Variants in PHLDB1 observed in about 807,000 individuals in gnomAD.
PHLDB1 encodes the protein pleckstrin homology like domain family B member 1, also known as pleckstrin homology-like domain family B member 1.
A neutral mutation model predicts 139.3 loss-of-function variants in PHLDB1; 65 were observed. That is an observed-to-expected ratio of 0.47 (90% CI 0.38 to 0.57). The LOEUF (loss-of-function observed/expected upper bound fraction) is 0.57. PHLDB1 is among the 20% of genes least tolerant of loss of function. The probability of loss-of-function intolerance (pLI) is 0.00; values close to 1 mark genes in which losing one functional copy is unlikely to be tolerated. For missense variants in PHLDB1, 1,624 were observed against 1,839.7 expected, an observed-to-expected ratio of 0.88 and a Z score of 2.14; for synonymous variants, 679 against 734.5, an observed-to-expected ratio of 0.92 and a Z score of 1.22.
At position 118,628,072 on chromosome 11, in the gene PHLDB1, A is replaced by C; in HGVS notation, c.1249A>C (p.Thr417Pro). The change falls in exon 6 of 23, where the codon ACA (threonine) becomes CCA (proline). Residue 417 changes from threonine (T) to proline (P), a missense_variant. Transcript: ENST00000600882. ...REPPGSERVL[T>P]TSPSRQLVGR... ...GCCTCCAGGCAGTGAGCGGGTGCTAACAACCAGCCCCTCACGCCAACTGGT... is the reference window on the plus strand; with the variant it reads ...GCCTCCAGGCAGTGAGCGGGTGCTACCAACCAGCCCCTCACGCCAACTGGT... 6.2e-7 allele frequency: 1 copy of C among 1,613,290 alleles called. No individual in the cohort carries two copies. The highest frequency in any genetic ancestry group is 8.5e-7 in the Non-Finnish European group (1 of 1,179,778).
At position 118,644,156 on chromosome 11, in the gene PHLDB1, C is replaced by T. The variant is rs781990880; in HGVS notation, c.3103C>T (p.Leu1035=). ...TLQDIETKRQ[L]ALQQKGQQVI... Reference sequence around the variant, plus strand: ...GCAGGACATCGAGACCAAGCGCCAACTAGCTCTGCAGCAGAAGGGTGAGTG... The same window carrying T: ...GCAGGACATCGAGACCAAGCGCCAATTAGCTCTGCAGCAGAAGGGTGAGTG... Residue 1035 remains leucine, a synonymous_variant, in exon 15 of 23, where the codon CTA becomes TTA. Coordinates refer to ENST00000600882, the MANE Select transcript of PHLDB1 (RefSeq NM_001144758.3). 6 of 1,612,240 alleles carry T rather than the reference C, an allele frequency of 3.7e-6. No homozygotes were observed. The Admixed American group carries it at 5.0e-5, about 13-fold the overall frequency.
intron 9 of PHLDB1, 98 bp from the exon 10 acceptor site, chr11:118,635,295 G>T: frequency 7.2e-7 from 1 of 1,384,956 alleles, no homozygotes; most frequent in Non-Finnish European, 9.8e-7. Context: ...ATTTCCCCGG[G>T]TCCAGCCCCA....
In PHLDB1 at chr11:118,645,763, G is replaced by A; in HGVS notation, c.3445G>A (p.Glu1149Lys). Residue 1149 changes from glutamate to lysine, a missense_variant, in exon 17 of 23, where the codon GAG becomes AAG. Coordinates refer to ENST00000600882, the MANE Select transcript of PHLDB1 (RefSeq NM_001144758.3). This position sits in a 1 kb window ranked among gnomAD's most constrained non-coding sequence, Gnocchi z 5.1. ...SASGLDMGKIEEMEKMLKEAH... is the reference protein window; with the variant it reads ...SASGLDMGKIKEMEKMLKEAH... ...GAGTGGTCTGGACATGGGGAAGATC[G>A]AGGAGATGGAGAAGATGCTGAAAGA... is the stretch of plus-strand genomic sequence containing the variant. 2 of 1,613,788 alleles carry A rather than the reference G, an allele frequency of 1.2e-6. No individual in the cohort carries two copies. The highest frequency in any genetic ancestry group is 1.7e-6 in the Non-Finnish European group (2 of 1,179,742).
chr11:118,650,650 A>AC lies in PHLDB1; in HGVS notation c.3874+105dup. ...AGGAGGCCAAGCTTCCAAGTAGGGG[A>AC]CCAGAGTCTTGGGCTAGGCTTTGCC... On this transcript the variant is annotated intron_variant, in intron 20 of 22. Coordinates refer to ENST00000600882, the MANE Select transcript of PHLDB1 (RefSeq NM_001144758.3). The surrounding 1 kb of genome is among the most constrained non-coding windows in gnomAD (Gnocchi z 4.7). 1 of 782,760 alleles carries AC rather than the reference A, an allele frequency of 1.3e-6. No homozygotes were observed. Among genetic ancestry groups the AC allele is most frequent in the Non-Finnish European group, 2.2e-6 (1 of 445,728 alleles). The allele number at this position is 782,760 out of a possible 1,614,324, so 48.5% of individuals were successfully genotyped here. A position where few individuals can be genotyped will look rare whatever the true frequency, so the allele number is the denominator to read the frequency against.
rs186442730 is a variant in PHLDB1 at position 118,614,795 on chromosome 11, G to A, written c.184+113G>A. 9.1e-5 allele frequency: 96 copies of A among 1,059,830 alleles called. No homozygotes were observed. The East Asian group carries it at 1.7e-3, about 19-fold the overall frequency. The allele number at this position is 1,059,830 out of a possible 1,614,324, so 65.7% of individuals were successfully genotyped here. A position where few individuals can be genotyped will look rare whatever the true frequency, so the allele number is the denominator to read the frequency against. ...GCCCTTCTACTGTCTGCTGGTGCTCGCCTCCCCACACCACCAGCTTGCTTC... is the reference window on the plus strand; with the variant it reads ...GCCCTTCTACTGTCTGCTGGTGCTCACCTCCCCACACCACCAGCTTGCTTC... On this transcript the variant is annotated intron_variant, in intron 3 of 22. Transcript: ENST00000600882.
chr11:118,644,610 C>T (rs779497287), intron 15 of PHLDB1: 1 of 1,259,806 alleles, frequency 7.9e-7, no homozygotes, highest in Non-Finnish European at 1.0e-6. Flanking sequence ...CCCTCTGTGT[C>T]TCTACCGTAC....
rs1939460537 is a variant in PHLDB1, at chr11:118,608,095, A to G, written c.-22+396A>G. On this transcript the variant is annotated intron_variant, in intron 1 of 22. Transcript: ENST00000600882. This position sits in a 1 kb window ranked among gnomAD's most constrained non-coding sequence, Gnocchi z 6.7. Reference sequence around the variant, plus strand: ...GGGTTTTCGTCCTCCAGCGCCCCACACCTCCCCCTCTCCGCCCACAGCAGG... The same window carrying G: ...GGGTTTTCGTCCTCCAGCGCCCCACGCCTCCCCCTCTCCGCCCACAGCAGG... 1.3e-5 allele frequency among the ~76,000 whole-genome samples: 2 copies of G among 148,372 alleles called. No individual in the cohort carries two copies. The highest frequency in any genetic ancestry group is 4.3e-4 in the South Asian group (2 of 4,638).
At position 118,658,024 on chromosome 11, in the gene PHLDB1, C is replaced by T. The variant is rs1288940909; in HGVS notation, c.*1201C>T. 3 of 521,130 alleles carry T rather than the reference C, an allele frequency of 5.8e-6. No individual in the cohort carries two copies. The highest frequency in any genetic ancestry group is 3.1e-5 in the Admixed American group (1 of 32,012). 32.3% of individuals were successfully genotyped at this position (521,130 alleles called of 1,614,324 possible). On this transcript the variant is annotated 3_prime_UTR_variant, in exon 23 of 23. Transcript: ENST00000600882. ...GCAGAACAATAAAGCCTTTGGACTACGGAAGTGAGTGGAAGGCCGGTGTGG... is the reference window on the plus strand; with the variant it reads ...GCAGAACAATAAAGCCTTTGGACTATGGAAGTGAGTGGAAGGCCGGTGTGG...
rs782132059 is a variant in PHLDB1, at chr11:118,624,966, C to G, written c.388C>G (p.Leu130Val). The G allele has an allele frequency of 3.3e-5, 54 of 1,613,970 alleles. No homozygotes were observed. Among genetic ancestry groups the G allele is most frequent in the Non-Finnish European group, 4.5e-5 (53 of 1,180,000 alleles). The change falls in exon 5 of 23, where the codon CTT becomes GTT. Residue 130 changes from leucine (L) to valine (V), a missense_variant. Coordinates refer to ENST00000600882, the MANE Select transcript of PHLDB1 (RefSeq NM_001144758.3). ...CMLCLGQSTF[L>V]RFNHPAEAKW... ...GTTGTGCCTGGGTCAGTCCACCTTC[C>G]TTCGCTTTAACCACCCGGCTGAAGC...
chr11:118,647,972 C>T lies in PHLDB1; in HGVS notation c.3550C>T (p.Arg1184Trp), dbSNP rs782462086. The T allele has an allele frequency of 1.0e-5, 16 of 1,589,900 alleles. No homozygotes were observed. Among genetic ancestry groups the T allele is most frequent in the Middle Eastern group, 1.7e-4 (1 of 5,938 alleles). ...ELRRQALEEE[R>W]RRREQVERRL... The stretch of plus-strand genomic sequence containing the variant: ...GCGGCGGCAGGCCCTGGAGGAGGAG[C>T]GGCGGAGGCGTGAGCAGGTAGAACG... The change falls in exon 18 of 23, where the codon CGG (arginine) becomes TGG (tryptophan). Residue 1184 changes from arginine to tryptophan, a missense_variant. By Grantham distance (101) the Arg-to-Trp change is moderately radical (BLOSUM62 -3). Coordinates refer to ENST00000600882, the MANE Select transcript of PHLDB1 (RefSeq NM_001144758.3).
chr11:118,649,442 T>C (rs1555133678), intron 18 of PHLDB1, among the ~76,000 whole-genome samples: 2 of 152,146 alleles, frequency 1.3e-5, no homozygotes, highest in African/African-American at 4.8e-5. Flanking sequence ...CAGTGGCCAC[T>C]GGTGTCTGGT....
At chr11:118,647,796 G>A in intron 17 of PHLDB1, 134 bp from the exon 18 acceptor site, 1 of 890,408 alleles carries the variant, frequency 1.1e-6, no homozygotes, top group Non-Finnish European at 1.7e-6. Context: ...GGAGAGGGTG[G>A]GCTTTGAAGA....
chr11:118,631,100 C>T (rs1186916035), intron 6 of PHLDB1, 107 bp from the exon 7 acceptor site: 2 of 993,892 alleles, frequency 2.0e-6, no homozygotes, highest in Middle Eastern at 3.6e-4. Context: ...GATGTCCTAG[C>T]CCCCTGTAAC....
chr11:118,643,915 C>T lies in PHLDB1; in HGVS notation c.2993C>T (p.Thr998Ile), dbSNP rs1367191629. 9.3e-6 allele frequency: 15 copies of T among 1,605,686 alleles called. No individual in the cohort carries two copies. The highest frequency in any genetic ancestry group is 1.3e-5 in the Non-Finnish European group (15 of 1,176,228). Residue 998 changes from threonine (T) to isoleucine (I), a missense_variant, in exon 14 of 23, where the codon ACC (threonine) becomes ATC (isoleucine). By Grantham distance (89) the Thr-to-Ile change is moderately conservative. Transcript: ENST00000600882. ...SSSSSQLSVATLGRSPSPKSA... is the reference protein window; with the variant it reads ...SSSSSQLSVAILGRSPSPKSA... Reference sequence around the variant, plus strand: ...TCCTCCTCCCAGCTCAGCGTGGCTACCCTGGGGCGTAGCCCCTCCCCAAAG... The same window carrying T: ...TCCTCCTCCCAGCTCAGCGTGGCTATCCTGGGGCGTAGCCCCTCCCCAAAG...
chr11:118,613,395 G>A lies in PHLDB1; in HGVS notation c.-21-421G>A, dbSNP rs961640378. The A allele has an allele frequency of 4.0e-6, 4 of 987,912 alleles. No individual in the cohort carries two copies. The South Asian group carries it at 1.4e-4, about 34-fold the overall frequency. The allele number at this position is 987,912 out of a possible 1,614,324, so 61.2% of individuals were successfully genotyped here. A position where few individuals can be genotyped will look rare whatever the true frequency, so the allele number is the denominator to read the frequency against. ...GTTTTAGCCCTGCCACCTACCTGGGGGCCCTCTGGCTACCAGTGTCCTTGG... is the reference window on the plus strand; with the variant it reads ...GTTTTAGCCCTGCCACCTACCTGGGAGCCCTCTGGCTACCAGTGTCCTTGG... On this transcript the variant is annotated intron_variant, in intron 1 of 22. Coordinates refer to ENST00000600882, the MANE Select transcript of PHLDB1 (RefSeq NM_001144758.3).
At chr11:118,618,783 G>T (rs1942178375) in intron 4 of PHLDB1, among the ~76,000 whole-genome samples, 1 of 151,822 alleles carries the variant, frequency 6.6e-6, no homozygotes, top group Non-Finnish European at 1.5e-5. Flanking sequence ...GGAATAACAA[G>T]GAGTGTGCTT....
chr11:118,627,019 GACA>G (rs1944000891), intron 5 of PHLDB1: 3 of 450,322 alleles, frequency 6.7e-6, no homozygotes, highest in South Asian at 5.2e-5. Context: ...GGGGTGAATT[GACA>G]ACAATAGTCT....
At chr11:118,635,079 G>A (rs1050751407) in intron 9 of PHLDB1, 2 of 516,202 alleles carry the variant, frequency 3.9e-6, no homozygotes, top group Non-Finnish European at 3.7e-6. Context: ...CCCTCCCCCG[G>A]CCCCGCGGGC....
Position 118,658,005 on chromosome 11 carries a change from C to G in PHLDB1, c.*1182C>G, listed in dbSNP as rs1555143313. On this transcript the variant is annotated 3_prime_UTR_variant, in exon 23 of 23. Coordinates refer to ENST00000600882, the MANE Select transcript of PHLDB1 (RefSeq NM_001144758.3). ...AGTATTTGTAAGCATTTCAGCAGAA[C>G]AATAAAGCCTTTGGACTACGGAAGT... 2.2e-6 allele frequency: 1 copy of G among 454,210 alleles called. No individual in the cohort carries two copies. The highest frequency in any genetic ancestry group is 4.0e-6 in the Non-Finnish European group (1 of 252,062). 28.1% of individuals were successfully genotyped at this position (454,210 alleles called of 1,614,324 possible).
Sources: allele counts gnomAD v4.1 joint callset (sites outside exome capture counted in the v4.1 genomes callset), GRCh38; gene constraint gnomAD v4.1.1; non-coding constraint Gnocchi (gnomAD v3.1); transcripts MANE v1.5; gene names NCBI Gene and HGNC (gene_info 2026-07-23, HGNC 2026-07-21).